The following MAGI2 variants were observed in gnomAD, a reference collection of about 807,000 sequenced individuals.
MAGI2 encodes membrane-associated guanylate kinase, WW and PDZ domain-containing protein 2.
In MAGI2, 35 loss-of-function variants were observed where a neutral mutation model predicts 133.3. The observed-to-expected ratio is 0.26, with a 90% CI of 0.20 to 0.35. The LOEUF (loss-of-function observed/expected upper bound fraction) is 0.35. Among genes scored for constraint, MAGI2 ranks in the 10% least tolerant of loss-of-function variants. The probability of loss-of-function intolerance (pLI) is 1.00; values close to 1 mark genes in which losing one functional copy is unlikely to be tolerated. For missense variants in MAGI2, 1,636 were observed against 1,863.4 expected (o/e 0.88, Z 2.25); for synonymous variants, 729 against 710.6 (o/e 1.03, Z -0.41).
intron 1 of MAGI2, among the ~76,000 whole-genome samples, chr7:79,416,898 A>G (rs1479202722): frequency 1.3e-5 from 2 of 150,912 alleles, no homozygotes; most frequent in African/African-American, 4.9e-5. Context: ...CCATGCCTGA[A>G]AAATTTTTGT....
chr7:79,094,847 T>G (rs1463575306), intron 1 of MAGI2, among the ~76,000 whole-genome samples: 1 of 152,206 alleles, frequency 6.6e-6, no homozygotes, highest in Non-Finnish European at 1.5e-5. Context: ...TAAACAGGTG[T>G]GTTGTCATCT....
chr7:78,507,452 C>A (rs1380121871), intron 4 of MAGI2, among the ~76,000 whole-genome samples: 1 of 152,140 alleles, frequency 6.6e-6, no homozygotes, highest in Non-Finnish European at 1.5e-5. Context: ...GGTCCAGGTT[C>A]ATCTTCCAAG....
At chr7:78,792,321 A>G (rs1787229274) in intron 2 of MAGI2, among the ~76,000 whole-genome samples, 1 of 152,240 alleles carries the variant, frequency 6.6e-6, no homozygotes, top group Non-Finnish European at 1.5e-5. Context: ...ACAGTTTTAA[A>G]ATAATGTGAA....
intron 20 of MAGI2, among the ~76,000 whole-genome samples, chr7:78,079,849 TAA>T: frequency 6.6e-6 from 1 of 152,268 alleles, no homozygotes; most frequent in African/African-American, 2.4e-5. Flanking sequence ...ATAGTTGAAA[TAA>T]AAGAGGTTCA....
intron 1 of MAGI2, among the ~76,000 whole-genome samples, chr7:79,135,367 G>C (rs1821295108): frequency 1.3e-5 from 2 of 152,018 alleles, no homozygotes; most frequent in Non-Finnish European, 2.9e-5. Flanking sequence ...ATTTTTGTTT[G>C]CTTCTTGTAG....
intron 1 of MAGI2, among the ~76,000 whole-genome samples, chr7:79,432,136 G>T (rs1249683673): frequency 6.6e-6 from 1 of 152,120 alleles, no homozygotes; most frequent in African/African-American, 2.4e-5. Flanking sequence ...CATATCCCTG[G>T]TCAAACCAGT....
At position 79,190,982 on chromosome 7, in the gene MAGI2, C is replaced by A. The variant is rs550626964; in HGVS notation, c.302-183776G>T. ...ACCAACGTAATCATACACTATATTT[C>A]CACATATATGTGGGCAATGTCTAAA... On this transcript the variant is annotated intron_variant, in intron 1 of 21. Transcript: ENST00000354212. Among the ~76,000 whole-genome samples the A allele has an allele frequency of 2.0e-5, 3 of 151,906 alleles. No homozygotes were observed. In the South Asian group the frequency reaches 6.2e-4, roughly 32 times the overall value.
At chr7:79,156,909 A>G (rs1333538233) in intron 1 of MAGI2, among the ~76,000 whole-genome samples, 1 of 152,108 alleles carries the variant, frequency 6.6e-6, no homozygotes, top group Non-Finnish European at 1.5e-5. Flanking sequence ...GAGCTAAGGT[A>G]CCAGCAGGGG....
At chr7:79,076,727 A>C (rs1487596094) in intron 1 of MAGI2, among the ~76,000 whole-genome samples, 1 of 152,208 alleles carries the variant, frequency 6.6e-6, no homozygotes, top group Admixed American at 6.5e-5. Context: ...TTCGACCCCT[A>C]AAGAACTAAC....
At chr7:78,078,677 A>G (rs1271041173) in intron 21 of MAGI2, 12 of 563,228 alleles carry the variant, frequency 2.1e-5, no homozygotes, top group Non-Finnish European at 3.1e-6. Context: ...ACACTCACAG[A>G]TGCCCTGAAA....
chr7:78,797,189 T>G (rs1787686718), intron 2 of MAGI2, among the ~76,000 whole-genome samples: 1 of 152,158 alleles, frequency 6.6e-6, no homozygotes, highest in Non-Finnish European at 1.5e-5. Flanking sequence ...ATATGCCAAT[T>G]ACCCTGATTT....
intron 6 of MAGI2, among the ~76,000 whole-genome samples, chr7:78,399,123 G>A (rs1796617889): frequency 6.6e-6 from 1 of 152,114 alleles, no homozygotes; most frequent in Non-Finnish European, 1.5e-5. Flanking sequence ...ATAAAGAAAT[G>A]AAAAATCCAC....
At chr7:79,000,613 C>G (rs746675868) in intron 2 of MAGI2, among the ~76,000 whole-genome samples, 1 of 152,080 alleles carries the variant, frequency 6.6e-6, no homozygotes, top group African/African-American at 2.4e-5. Context: ...CATAGCTATA[C>G]CTTTTGGTGT....
chr7:78,638,168 G>A (rs1243669621), intron 2 of MAGI2, among the ~76,000 whole-genome samples: 1 of 152,056 alleles, frequency 6.6e-6, no homozygotes, highest in Non-Finnish European at 1.5e-5. Context: ...CAATGTCTGG[G>A]GTGATCACTT....
At position 78,409,823 on chromosome 7, in the gene MAGI2, T is replaced by G. The variant is rs1041031148; in HGVS notation, c.1046-40610A>C. On this transcript the variant is annotated intron_variant, in intron 6 of 21. Coordinates refer to ENST00000354212, the MANE Select transcript of MAGI2 (RefSeq NM_012301.4). ...GCCCCGACCCGAGTCTCTGGCGCAT[T>G]CCTAATAAAAGAACTAAATTATTTT... Among the ~76,000 whole-genome samples the G allele has an allele frequency of 3.9e-5, 6 of 152,086 alleles. No individual in the cohort carries two copies. In the South Asian group the frequency reaches 6.2e-4, roughly 16 times the overall value.
chr7:78,919,656 G>A (rs1799077245), intron 2 of MAGI2, among the ~76,000 whole-genome samples: 1 of 152,010 alleles, frequency 6.6e-6, no homozygotes, highest in Non-Finnish European at 1.5e-5. Context: ...TATACGTGTA[G>A]TTTTATAACA....
intron 3 of MAGI2, among the ~76,000 whole-genome samples, chr7:78,560,637 G>C (rs533445149): frequency 1.3e-5 from 2 of 152,212 alleles, no homozygotes; most frequent in African/African-American, 4.8e-5. Context: ...ATTTTTATGA[G>C]AGCATCAACA....
chr7:78,774,329 C>T (rs1441366668), intron 2 of MAGI2, among the ~76,000 whole-genome samples: 1 of 152,174 alleles, frequency 6.6e-6, no homozygotes, highest in Non-Finnish European at 1.5e-5. Flanking sequence ...CAGAATTCAA[C>T]TAGCTCAAGT....
At chr7:78,146,205 T>A (rs1440168823) in intron 16 of MAGI2, among the ~76,000 whole-genome samples, 1 of 151,972 alleles carries the variant, frequency 6.6e-6, no homozygotes, top group Admixed American at 6.6e-5. Flanking sequence ...AAGAAATGAG[T>A]GGGTCTGTGT....
Sources: allele counts gnomAD v4.1 joint callset (sites outside exome capture counted in the v4.1 genomes callset), GRCh38; gene constraint gnomAD v4.1.1; transcripts MANE v1.5; gene names NCBI Gene and HGNC (gene_info 2026-07-23, HGNC 2026-07-21).